The following CNTN5 variants were observed in gnomAD, a reference collection of about 807,000 sequenced individuals.
CNTN5 encodes the protein contactin 5.
A neutral mutation model predicts 129.1 loss-of-function variants in CNTN5; 77 were observed. The ratio of observed to expected loss-of-function variants is 0.60; its 90% CI spans 0.50 to 0.72. The LOEUF is 0.72. Ranked by LOEUF, CNTN5 falls within the 30% of genes least tolerant of loss-of-function variation. The pLI, the probability that CNTN5 is intolerant of heterozygous loss-of-function variation, is 0.00. For synonymous variants in CNTN5, 509 were observed against 465.6 expected (o/e 1.09, Z -1.20); for missense variants, 1,478 against 1,328.8 (o/e 1.11, Z -1.75).
At chr11:99,441,608 G>T (rs1381684524) in intron 2 of CNTN5, among the ~76,000 whole-genome samples, 1 of 152,242 alleles carries the variant, frequency 6.6e-6, no homozygotes, top group Admixed American at 6.5e-5. Flanking sequence ...TTTCATTGAT[G>T]ATTGGATTTG....
chr11:99,795,074 T>C (rs1945884503), intron 3 of CNTN5, among the ~76,000 whole-genome samples: 1 of 152,236 alleles, frequency 6.6e-6, no homozygotes. Context: ...ATCATAGATT[T>C]GCTTTCTATA....
intron 8 of CNTN5, among the ~76,000 whole-genome samples, chr11:99,988,711 G>A (rs566261261): frequency 6.6e-6 from 1 of 152,290 alleles, no homozygotes; most frequent in South Asian, 2.1e-4. Context: ...AGCAGCAGGA[G>A]TTCATGACTA....
chr11:100,243,612 C>A (rs1949784566), intron 16 of CNTN5, among the ~76,000 whole-genome samples: 1 of 152,202 alleles, frequency 6.6e-6, no homozygotes, highest in African/African-American at 2.4e-5. Flanking sequence ...TTCCATGATA[C>A]CTCTCATGCC....
intron 2 of CNTN5, among the ~76,000 whole-genome samples, chr11:99,469,320 G>T (rs983215614): frequency 6.6e-6 from 1 of 151,906 alleles, no homozygotes; most frequent in South Asian, 2.1e-4. Context: ...TCCATTCATG[G>T]TATAAACTAT....
chr11:100,112,602 C>A (rs1338108087), intron 13 of CNTN5, among the ~76,000 whole-genome samples: 1 of 151,950 alleles, frequency 6.6e-6, no homozygotes, highest in Non-Finnish European at 1.5e-5. Flanking sequence ...CTTTGCATGG[C>A]ATTATGAAAC....
chr11:99,362,713 C>G lies in CNTN5; in HGVS notation c.-71+37229C>G, dbSNP rs553114456. ...TAATTTTTGCATACGATATAAAGTACAGGTCCAACTTCATTATCTTCGATG... is the reference window on the plus strand; with the variant it reads ...TAATTTTTGCATACGATATAAAGTAGAGGTCCAACTTCATTATCTTCGATG... On this transcript the variant is annotated intron_variant, in intron 2 of 24. Coordinates refer to ENST00000524871, the MANE Select transcript of CNTN5 (RefSeq NM_014361.4). Among the ~76,000 whole-genome samples the G allele has an allele frequency of 7.3e-5, 11 of 151,416 alleles. No homozygotes were observed. In the South Asian group the frequency reaches 2.3e-3, roughly 31 times the overall value.
intron 8 of CNTN5, among the ~76,000 whole-genome samples, chr11:99,972,580 C>A (rs1251201795): frequency 6.6e-6 from 1 of 151,142 alleles, no homozygotes; most frequent in East Asian, 1.9e-4. Context: ...AGAACCACAC[C>A]CAGCTAGCAG....
intron 7 of CNTN5, among the ~76,000 whole-genome samples, chr11:99,928,989 C>A (rs761450257): frequency 6.6e-6 from 1 of 152,168 alleles, no homozygotes; most frequent in East Asian, 1.9e-4. Flanking sequence ...ATCTTGAATG[C>A]TTTGCTGCTT....
chr11:99,788,892 A>G (rs1302206344), intron 3 of CNTN5, among the ~76,000 whole-genome samples: 1 of 151,950 alleles, frequency 6.6e-6, no homozygotes, highest in Non-Finnish European at 1.5e-5. Context: ...TTTCATCAGC[A>G]CAGCTCTTTC....
chr11:100,139,886 T>G (rs562752886), intron 13 of CNTN5, among the ~76,000 whole-genome samples: 2 of 151,954 alleles, frequency 1.3e-5, no homozygotes, highest in African/African-American at 4.8e-5. Context: ...AATAATAGGT[T>G]AATATTTAGA....
rs1223442119 is a variant in CNTN5 at position 99,452,397 on chromosome 11, G to T, written c.-70-103748G>T. ...GTTTTTTTTTTTTTTTTTTGGGACG[G>T]AGTCTGGTTCTGTCACCTAGGCTGG... On this transcript the variant is annotated intron_variant, in intron 2 of 24. Transcript: ENST00000524871. 2.3e-5 allele frequency among the ~76,000 whole-genome samples: 3 copies of T among 130,944 alleles called. No homozygotes were observed. The Admixed American group carries it at 2.5e-4, about 11-fold the overall frequency. The allele number at this position is 130,944 out of a possible 152,430, so 85.9% of individuals were successfully genotyped here. A position where few individuals can be genotyped will look rare whatever the true frequency, so the allele number is the denominator to read the frequency against.
chr11:100,218,552 C>T (rs1019403296), intron 15 of CNTN5, among the ~76,000 whole-genome samples: 4 of 152,182 alleles, frequency 2.6e-5, no homozygotes, highest in African/African-American at 7.2e-5. Context: ...GGGTCTCATA[C>T]TTGATATAGT....
intron 1 of CNTN5, among the ~76,000 whole-genome samples, chr11:99,293,166 G>A (rs1291106520): frequency 6.6e-6 from 1 of 151,884 alleles, no homozygotes; most frequent in African/African-American, 2.4e-5. Flanking sequence ...ATGCCTTTGG[G>A]GCATCTGTGG....
At chr11:99,548,877 A>G (rs1012297564) in intron 2 of CNTN5, among the ~76,000 whole-genome samples, 7 of 151,924 alleles carry the variant, frequency 4.6e-5, no homozygotes, top group African/African-American at 1.7e-4. Flanking sequence ...AAATTGGTAA[A>G]TTTTATCAAT....
chr11:100,036,059 T>C (rs895950843), intron 9 of CNTN5, among the ~76,000 whole-genome samples: 34 of 152,200 alleles, frequency 2.2e-4, no homozygotes, highest in Non-Finnish European at 3.5e-4. Flanking sequence ...ATGTCATGAA[T>C]GGTATTGCCT....
intron 3 of CNTN5, among the ~76,000 whole-genome samples, chr11:99,645,853 G>T (rs1316886682): frequency 6.6e-6 from 1 of 152,014 alleles, no homozygotes; most frequent in Non-Finnish European, 1.5e-5. Context: ...GTAAATGACG[G>T]GTTGATAGGT....
chr11:99,919,422 T>A (rs1387541339), intron 7 of CNTN5, among the ~76,000 whole-genome samples: 2 of 152,172 alleles, frequency 1.3e-5, no homozygotes, highest in Non-Finnish European at 2.9e-5. Context: ...GAAAACTCCA[T>A]CGGCCAATGC....
Position 99,105,947 on chromosome 11 carries a change from T to A in CNTN5, c.-210+84677T>A, listed in dbSNP as rs900300263. Among the ~76,000 whole-genome samples the A allele has an allele frequency of 2.0e-5, 3 of 152,138 alleles. 1 individual carries two copies. Among genetic ancestry groups the A allele is most frequent in the African/African-American group, 4.8e-5 (2 of 41,448 alleles). On this transcript the variant is annotated intron_variant, in intron 1 of 24. Coordinates refer to ENST00000524871, the MANE Select transcript of CNTN5 (RefSeq NM_014361.4). ...TTTCTATTTAAGGACTTAGAACAAT[T>A]TTCATTTTCAGTTAGAAATGACAAT...
rs977690957 is a variant in CNTN5, at chr11:99,819,876, C to T, written c.277+111C>T. The T allele has an allele frequency of 5.7e-5, 41 of 717,454 alleles. 1 individual carries two copies. Among genetic ancestry groups the T allele is most frequent in the Non-Finnish European group, 8.9e-5 (39 of 436,572 alleles). 44.4% of individuals were successfully genotyped at this position (717,454 alleles called of 1,614,324 possible). ...ATTCCAGTAGGAGAGAGTGATTGAA[C>T]TCAACTCTGCTAAAAATGAAAGCAG... is the stretch of plus-strand genomic sequence containing the variant. On this transcript the variant is annotated intron_variant, in intron 4 of 24. Transcript: ENST00000524871.
Sources: allele counts gnomAD v4.1 joint callset (sites outside exome capture counted in the v4.1 genomes callset), GRCh38; gene constraint gnomAD v4.1.1; transcripts MANE v1.5; gene names NCBI Gene and HGNC (gene_info 2026-07-23, HGNC 2026-07-21).